SRBD1: variants seen among roughly 807,000 people sequenced by gnomAD.
SRBD1 encodes the protein S1 RNA binding domain 1.
Under a neutral mutation model 115.3 loss-of-function variants are expected in SRBD1, and 88 were observed. The observed-to-expected ratio is 0.76, with a 90% CI of 0.64 to 0.91. The LOEUF (loss-of-function observed/expected upper bound fraction) is 0.91, where lower values mean the gene tolerates loss of function less well. Among genes scored for constraint, SRBD1 ranks in the 40% least tolerant of loss-of-function variants. SRBD1 has a pLI of 0.00. For synonymous variants in SRBD1, 509 were observed against 407.7 expected (o/e 1.25, Z -2.99); for missense variants, 1,385 against 1,177.4 (o/e 1.18, Z -2.58).
At chr2:45,555,539 G>A (rs1672447449) in intron 10 of SRBD1, among the ~76,000 whole-genome samples, 1 of 139,818 alleles carries the variant, frequency 7.2e-6, no homozygotes, top group Non-Finnish European at 1.5e-5. Flanking sequence ...CGCCCAGGCT[G>A]GAGTGCAGTG....
chr2:45,594,008 A>G (rs1673809688), intron 4 of SRBD1, among the ~76,000 whole-genome samples: 1 of 152,220 alleles, frequency 6.6e-6, no homozygotes, highest in African/African-American at 2.4e-5. Flanking sequence ...TCTGTATGTT[A>G]TACTTCAAAA....
chr2:45,502,950 G>A (rs1375166772), intron 14 of SRBD1, among the ~76,000 whole-genome samples: 1 of 152,112 alleles, frequency 6.6e-6, no homozygotes, highest in Non-Finnish European at 1.5e-5. Context: ...CTGCCAAAGT[G>A]CTGGGATGAC....
At chr2:45,547,267 T>G (rs1445541155) in intron 13 of SRBD1, among the ~76,000 whole-genome samples, 1 of 152,164 alleles carries the variant, frequency 6.6e-6, no homozygotes, top group Non-Finnish European at 1.5e-5. Flanking sequence ...GGGAGAAAAT[T>G]GGAACAGAAG....
At chr2:45,436,980 A>G (rs1192908923) in intron 16 of SRBD1, among the ~76,000 whole-genome samples, 4 of 152,358 alleles carry the variant, frequency 2.6e-5, no homozygotes, top group Middle Eastern at 3.4e-3. Flanking sequence ...CCAGCAATAA[A>G]TAAGTGGTAT....
At chr2:45,436,853 T>G (rs954877535) in intron 16 of SRBD1, among the ~76,000 whole-genome samples, 3 of 152,156 alleles carry the variant, frequency 2.0e-5, no homozygotes, top group African/African-American at 7.2e-5. Context: ...GATAATATGA[T>G]CGTCTATGTA....
At chr2:45,415,748 C>A (rs534295521) in intron 18 of SRBD1, among the ~76,000 whole-genome samples, 1 of 4,794 alleles carries the variant, frequency 2.1e-4, no homozygotes, top group Non-Finnish European at 3.9e-4. Context: ...CGAGAGGAGA[C>A]GAGAGGAGAG....
intron 14 of SRBD1, among the ~76,000 whole-genome samples, chr2:45,494,034 C>T (rs953293120): frequency 6.6e-6 from 1 of 151,936 alleles, no homozygotes; most frequent in African/African-American, 2.4e-5. Context: ...AAAAATTAAA[C>T]TGCACTATTT....
intron 18 of SRBD1, among the ~76,000 whole-genome samples, chr2:45,413,916 A>T (rs1020732600): frequency 6.6e-5 from 10 of 152,148 alleles, no homozygotes; most frequent in Admixed American, 2.0e-4. Context: ...TGGGCAACAG[A>T]GGGAGAGACT....
At chr2:45,577,378 G>A (rs1292703073) in intron 7 of SRBD1, among the ~76,000 whole-genome samples, 2 of 152,188 alleles carry the variant, frequency 1.3e-5, no homozygotes, top group African/African-American at 2.4e-5. Context: ...ATGGTACACA[G>A]AACCAGAAAA....
rs183832982 is a variant in SRBD1 at position 45,547,266 on chromosome 2, T to C, written c.1766+256A>G. 2.1e-3 allele frequency among the ~76,000 whole-genome samples: 315 copies of C among 152,142 alleles called. 1 individual carries two copies. Among genetic ancestry groups the C allele is most frequent in the African/African-American group, 7.3e-3 (303 of 41,492 alleles). ...AGAAGGCAGGGAGAGAGGGAGAAAA[T>C]TGGAACAGAAGAATGAACTGCTCAC... On this transcript the variant is annotated intron_variant, in intron 13 of 20. Coordinates refer to ENST00000263736, the MANE Select transcript of SRBD1 (RefSeq NM_018079.5).
chr2:45,580,566 G>A (rs1203168877), intron 6 of SRBD1, among the ~76,000 whole-genome samples: 1 of 126,374 alleles, frequency 7.9e-6, no homozygotes. Flanking sequence ...TCACCATGTT[G>A]GCCAGGGTGA....
chr2:45,554,213 C>G (rs1672399261), intron 10 of SRBD1, among the ~76,000 whole-genome samples: 2 of 152,170 alleles, frequency 1.3e-5, no homozygotes, highest in Non-Finnish European at 2.9e-5. Flanking sequence ...CTTTCTCTCT[C>G]TTTCTCAACC....
rs115650085 is a variant in SRBD1, at chr2:45,392,524, T to C, written c.2698+421A>G. On this transcript the variant is annotated intron_variant, in intron 20 of 20. Coordinates refer to ENST00000263736, the MANE Select transcript of SRBD1 (RefSeq NM_018079.5). ...TTATCTTATTTGTTCAATGGGTTCA[T>C]TGACACAGAATCCAAGAACTTGGAA... Among the ~76,000 whole-genome samples the C allele has an allele frequency of 1.7e-3, 260 of 152,362 alleles. 1 individual carries two copies. The highest frequency in any genetic ancestry group is 6.0e-3 in the African/African-American group (250 of 41,592).
intron 14 of SRBD1, among the ~76,000 whole-genome samples, chr2:45,522,572 T>A (rs1671319478): frequency 6.6e-6 from 1 of 152,144 alleles, no homozygotes; most frequent in Non-Finnish European, 1.5e-5. Context: ...ATAATGCAAA[T>A]ACAGTTGACC....
intron 17 of SRBD1, 137 bp from the exon 18 acceptor site, chr2:45,418,678 A>T: frequency 3.6e-6 from 2 of 550,372 alleles, no homozygotes; most frequent in Non-Finnish European, 4.8e-6. Flanking sequence ...AGGGAGTTTA[A>T]AAAAAAAAAC....
chr2:45,574,773 G>C (rs759760453), intron 7 of SRBD1, 50 bp from the exon 8 acceptor site: 8 of 1,471,982 alleles, frequency 5.4e-6, no homozygotes, highest in Admixed American at 2.0e-5. Flanking sequence ...TATACGATTG[G>C]TTTTAAATTC....
At chr2:45,488,186 T>C in intron 15 of SRBD1, 54 bp downstream of exon 15, 2 of 1,485,932 alleles carry the variant, frequency 1.3e-6, no homozygotes, top group Non-Finnish European at 1.9e-6. Flanking sequence ...ATGCCACACA[T>C]GCTGCCCAAA....
Position 45,585,616 on chromosome 2 carries a change from T to C in SRBD1, c.807A>G (p.Glu269=), listed in dbSNP as rs1021688957. ...TTTTTTAGGTTTCTTACCGTAGCTC[T>C]TCTAGGGTTTGCTGAACTTCTCTCA... ...DSLREVQQTL[E]ELRAVAKKVH... Residue 269 remains glutamate (E), a synonymous_variant, in exon 5 of 21, where the codon GAA becomes GAG. Transcript: ENST00000263736. 2 of 1,610,984 alleles carry C rather than the reference T, an allele frequency of 1.2e-6. No individual in the cohort carries two copies. The highest frequency in any genetic ancestry group is 1.7e-6 in the Non-Finnish European group (2 of 1,179,206).
At chr2:45,607,031 T>TA (rs1674295295) in intron 1 of SRBD1, among the ~76,000 whole-genome samples, 1 of 152,158 alleles carries the variant, frequency 6.6e-6, no homozygotes, top group South Asian at 2.1e-4. Flanking sequence ...TTGGGCAAAA[T>TA]AGTGCTCAGA....
Sources: gnomAD v4.1 joint callset for allele counts (sites outside exome capture counted in the v4.1 genomes callset) on GRCh38, gnomAD v4.1.1 for gene constraint, MANE v1.5 for transcripts, NCBI Gene and HGNC (gene_info 2026-07-23, HGNC 2026-07-21) for gene names.